ATAD2B: variants seen among roughly 807,000 people sequenced by gnomAD.
ATAD2B encodes the protein ATPase family AAA domain-containing protein 2B.
ATAD2B carries 40 observed loss-of-function variants against 167.6 expected under a neutral mutation model. That is an observed-to-expected ratio of 0.24 (90% CI 0.19 to 0.31). The LOEUF is 0.31. ATAD2B is among the 10% of genes least tolerant of loss of function. The probability of loss-of-function intolerance (pLI) is 1.00; values close to 1 mark genes in which losing one functional copy is unlikely to be tolerated. For synonymous variants in ATAD2B, 579 were observed against 596.5 expected, an observed-to-expected ratio of 0.97 and a Z score of 0.43; for missense variants, 1,242 against 1,757.2, an observed-to-expected ratio of 0.71 and a Z score of 5.24.
At chr2:23,906,272 C>T (rs944245933) in intron 1 of ATAD2B, among the ~76,000 whole-genome samples, 9 of 151,564 alleles carry the variant, frequency 5.9e-5, no homozygotes, top group Non-Finnish European at 7.4e-5. Flanking sequence ...ACCTGGAAGG[C>T]GGAGGCTGCA....
At chr2:23,915,338 T>C (rs1189327802) in intron 1 of ATAD2B, among the ~76,000 whole-genome samples, 1 of 151,792 alleles carries the variant, frequency 6.6e-6, no homozygotes, top group African/African-American at 2.4e-5. Context: ...GCATAAACTG[T>C]GCATGTGCCA....
chr2:23,847,841 AAAT>A (rs1691917755), intron 13 of ATAD2B, among the ~76,000 whole-genome samples: 1 of 151,058 alleles, frequency 6.6e-6, no homozygotes, highest in Non-Finnish European at 1.5e-5. Flanking sequence ...AAAAATACAA[AAAT>A]TAGCCAGGCG....
At chr2:23,867,004 T>C (rs943427512) in intron 10 of ATAD2B, among the ~76,000 whole-genome samples, 3 of 152,192 alleles carry the variant, frequency 2.0e-5, no homozygotes, top group African/African-American at 7.2e-5. Flanking sequence ...ATCGATCATC[T>C]ATTTTCCAAA....
At chr2:23,878,636 G>A (rs1412704824) in intron 7 of ATAD2B, among the ~76,000 whole-genome samples, 1 of 152,110 alleles carries the variant, frequency 6.6e-6, no homozygotes, top group Admixed American at 6.6e-5. Context: ...TCCAGCCTGG[G>A]CGACAGAGCA....
chr2:23,710,965 G>A, the ATAD2B span, among the ~76,000 whole-genome samples: 1 of 152,106 alleles, frequency 6.6e-6, no homozygotes, highest in Non-Finnish European at 1.5e-5. Context: ...CTAACAACAT[G>A]CCCGACACTG....
intron 14 of ATAD2B, among the ~76,000 whole-genome samples, chr2:23,830,055 C>T (rs1451287992): frequency 1.3e-5 from 2 of 152,142 alleles, no homozygotes; most frequent in African/African-American, 2.4e-5. Context: ...TGTGATCTTA[C>T]TCACTTCAAC....
chr2:23,788,668 A>AC (rs1233686522), intron 19 of ATAD2B, 21 bp from the exon 20 acceptor site: 1 of 1,528,934 alleles, frequency 6.5e-7, no homozygotes, highest in South Asian at 1.2e-5. Context: ...ACACACACAC[A>AC]AAGACATTAA....
the ATAD2B span, among the ~76,000 whole-genome samples, chr2:23,741,524 C>G: frequency 5.3e-5 from 8 of 152,170 alleles, no homozygotes; most frequent in Non-Finnish European, 1.2e-4. Flanking sequence ...AACTGGATCC[C>G]TTCCTTACAC....
chr2:23,878,034 A>AAAAAAAAAAAAAT (rs1385064799), intron 7 of ATAD2B, among the ~76,000 whole-genome samples: 1 of 147,570 alleles, frequency 6.8e-6, no homozygotes, highest in Non-Finnish European at 1.5e-5. Flanking sequence ...AAAAAAAAAA[A>AAAAAAAAAAAAAT]AAAAAGCAAA....
intron 20 of ATAD2B, among the ~76,000 whole-genome samples, chr2:23,787,770 C>G (rs1232737472): frequency 6.6e-6 from 1 of 151,870 alleles, no homozygotes; most frequent in Non-Finnish European, 1.5e-5. Context: ...TTTTACCAAA[C>G]AGGATTGCTA....
chr2:23,708,839 G>T, the ATAD2B span, among the ~76,000 whole-genome samples: 8 of 152,270 alleles, frequency 5.3e-5, no homozygotes, highest in Non-Finnish European at 7.4e-5. Context: ...TGGCTCTGAG[G>T]CTCTTCCTTT....
chr2:23,880,947 C>T (rs1271019087), intron 6 of ATAD2B, among the ~76,000 whole-genome samples, 192 bp from the exon 7 acceptor site: 2 of 152,152 alleles, frequency 1.3e-5, no homozygotes, highest in Admixed American at 1.3e-4. Context: ...AAATACTTTC[C>T]CTGCCAATGA....
At chr2:23,766,609 C>T (rs1182373866) in intron 22 of ATAD2B, among the ~76,000 whole-genome samples, 1 of 152,146 alleles carries the variant, frequency 6.6e-6, no homozygotes, top group Non-Finnish European at 1.5e-5. Context: ...GTCGACTGCA[C>T]CAGGGAAAGC....
At chr2:23,895,695 A>G (rs909394366) in intron 2 of ATAD2B, 124 bp downstream of exon 2, 25 of 606,328 alleles carry the variant, frequency 4.1e-5, no homozygotes, top group Non-Finnish European at 6.4e-5. Flanking sequence ...TAAGTTTAAT[A>G]CAATTTACTT....
At chr2:23,804,089 T>C (rs1032435371) in intron 18 of ATAD2B, among the ~76,000 whole-genome samples, 4 of 152,178 alleles carry the variant, frequency 2.6e-5, no homozygotes, top group Non-Finnish European at 5.9e-5. Flanking sequence ...TTTTTCAATC[T>C]TTCCAGTGTT....
chr2:23,924,069 G>C (rs1282643425), intron 1 of ATAD2B, among the ~76,000 whole-genome samples: 4 of 149,766 alleles, frequency 2.7e-5, no homozygotes, highest in Non-Finnish European at 4.4e-5. Context: ...TGTAGTCCCA[G>C]CTACTCGGGA....
rs796199931 is a variant in ATAD2B, at chr2:23,898,869, T to C, written c.217-2899A>G. On this transcript the variant is annotated intron_variant, in intron 1 of 27. Transcript: ENST00000238789. ...AACTTAAAAATAAAAATTAGTTAAG[T>C]CAGGGGCAGTGGCTCATGCCTGTAA... 7.2e-5 allele frequency among the ~76,000 whole-genome samples: 11 copies of C among 151,884 alleles called. 1 individual carries two copies. Among genetic ancestry groups the C allele is most frequent in the African/African-American group, 2.7e-4 (11 of 41,468 alleles).
At chr2:23,889,689 G>C (rs111657181) in intron 2 of ATAD2B, among the ~76,000 whole-genome samples, 18,588 of 151,766 alleles carry the variant, frequency 0.12, 1,215 homozygotes, top group Middle Eastern at 0.22. Flanking sequence ...AGAGGCCGAG[G>C]CAGGTGGATC....
chr2:23,829,988 G>GTT (rs70941594), intron 14 of ATAD2B, among the ~76,000 whole-genome samples: 6 of 151,670 alleles, frequency 4.0e-5, no homozygotes, highest in South Asian at 4.2e-4. Flanking sequence ...TTCTAAAATA[G>GTT]TTTTTTTTGT....
Sources: gnomAD v4.1 joint callset for allele counts (sites outside exome capture counted in the v4.1 genomes callset) on GRCh38, gnomAD v4.1.1 for gene constraint, MANE v1.5 for transcripts, NCBI Gene and HGNC (gene_info 2026-07-23, HGNC 2026-07-21) for gene names.